Variants in PLCD4 observed in about 807,000 individuals in gnomAD.
PLCD4 encodes phospholipase C delta 4, also known as 1-phosphatidylinositol 4,5-bisphosphate phosphodiesterase delta-4.
Under a neutral mutation model 90.2 loss-of-function variants are expected in PLCD4, and 63 were observed. The ratio of observed to expected loss-of-function variants is 0.70; its 90% CI spans 0.57 to 0.86. The LOEUF (loss-of-function observed/expected upper bound fraction) is 0.86, where lower values mean the gene tolerates loss of function less well. Among genes scored for constraint, PLCD4 ranks in the 40% least tolerant of loss-of-function variants. The pLI is 0.00. For missense variants in PLCD4, 830 were observed against 956.3 expected, an observed-to-expected ratio of 0.87 and a Z score of 1.74; for synonymous variants, 294 against 356.5, an observed-to-expected ratio of 0.82 and a Z score of 1.97.
chr2:218,622,785 T>A lies in PLCD4; in HGVS notation c.679T>A (p.Phe227Ile). The change falls in exon 6 of 16, where the codon TTT becomes ATT. Residue 227 changes from phenylalanine (F) to isoleucine (I), a missense_variant. Phe to Ile is a conservative substitution (Grantham distance 21). Transcript: ENST00000450993. ...ADGQKLTLLEFLDFLQEEQKE... is the reference protein window; with the variant it reads ...ADGQKLTLLEILDFLQEEQKE... ...TGGGCAGAAGCTGACTCTGCTGGAATTTTTGGATTTCCTCCAAGAGGAGCA... is the reference window on the plus strand; with the variant it reads ...TGGGCAGAAGCTGACTCTGCTGGAAATTTTGGATTTCCTCCAAGAGGAGCA... The A allele has an allele frequency of 6.2e-7, 1 of 1,613,978 alleles. No homozygotes were observed. Among genetic ancestry groups the A allele is most frequent in the Non-Finnish European group, 8.5e-7 (1 of 1,179,878 alleles).
rs753153870 is a variant in PLCD4, at chr2:218,628,184, G to C, written c.928G>C (p.Val310Leu). The change falls in exon 7 of 16, where the codon GTG becomes CTG. Residue 310 changes from valine to leucine, a missense_variant. Val to Leu is a conservative substitution (Grantham distance 32, BLOSUM62 1). Coordinates refer to ENST00000450993, the MANE Select transcript of PLCD4 (RefSeq NM_032726.4). ...CTGCTCTTCTCATAACACCTACCTA[G>C]TGGGGGACCAGCTTTGTGGCCAGAG... is the stretch of plus-strand genomic sequence containing the variant. ...FICSSHNTYL[V>L]GDQLCGQSSV... 3 of 1,614,050 alleles carry C rather than the reference G, an allele frequency of 1.9e-6. No individual in the cohort carries two copies. In the African/African-American group the frequency reaches 4.0e-5, roughly 22 times the overall value.
intron 6 of PLCD4, among the ~76,000 whole-genome samples, chr2:218,623,352 G>A (rs1695966386): frequency 6.6e-6 from 1 of 152,106 alleles, no homozygotes; most frequent in Non-Finnish European, 1.5e-5. Context: ...GCTCTCTTGA[G>A]TCTCTAAGCC....
At chr2:218,615,381 G>T (rs921168044) in intron 1 of PLCD4, among the ~76,000 whole-genome samples, 3 of 152,128 alleles carry the variant, frequency 2.0e-5, no homozygotes, top group African/African-American at 7.2e-5. Flanking sequence ...TTCTGAAAGG[G>T]ACATCCAGCA....
At chr2:218,619,246 T>C (rs1307809955) in intron 4 of PLCD4, among the ~76,000 whole-genome samples, 2 of 148,822 alleles carry the variant, frequency 1.3e-5, no homozygotes, top group East Asian at 4.0e-4. Context: ...TATCAGGCAC[T>C]ATGCCAGACT....
chr2:218,619,307 T>G (rs1176867737), intron 4 of PLCD4, among the ~76,000 whole-genome samples: 2 of 151,906 alleles, frequency 1.3e-5, no homozygotes, highest in African/African-American at 2.4e-5. Context: ...TTTTGTTTTG[T>G]TTTTGATACG....
In PLCD4 at chr2:218,636,393, G is replaced by A. The variant is rs373033996; in HGVS notation, c.2182+1G>A. The A allele has an allele frequency of 8.1e-6, 13 of 1,614,024 alleles. No homozygotes were observed. Among genetic ancestry groups the A allele is most frequent in the South Asian group, 1.1e-5 (1 of 91,088 alleles). On this transcript the variant is annotated splice_donor_variant, in intron 15 of 15. Coordinates refer to ENST00000450993, the MANE Select transcript of PLCD4 (RefSeq NM_032726.4). LOFTEE classifies it high-confidence loss of function. Reference sequence around the variant, plus strand: ...CTGCCTTGGACCTGCATGCAACAAGGTGAGCCAGCCCCTTTGGCCCCTGGC... The same window carrying A: ...CTGCCTTGGACCTGCATGCAACAAGATGAGCCAGCCCCTTTGGCCCCTGGC...
chr2:218,630,017 A>G (rs1413999673), intron 8 of PLCD4, among the ~76,000 whole-genome samples: 1 of 152,140 alleles, frequency 6.6e-6, no homozygotes, highest in Non-Finnish European at 1.5e-5. Flanking sequence ...GTCTCTATTA[A>G]AAATAGAAAA....
At chr2:218,615,444 A>G (rs1336528325) in intron 1 of PLCD4, among the ~76,000 whole-genome samples, 1 of 152,150 alleles carries the variant, frequency 6.6e-6, no homozygotes, top group African/African-American at 2.4e-5. Flanking sequence ...ATGTGGCACT[A>G]GTAGACTGTG....
Position 218,632,205 on chromosome 2 carries a change from G to A in PLCD4, c.1342G>A (p.Glu448Lys). The A allele has an allele frequency of 1.2e-6, 2 of 1,611,278 alleles. No individual in the cohort carries two copies. Among genetic ancestry groups the A allele is most frequent in the Non-Finnish European group, 8.5e-7 (1 of 1,178,856 alleles). ...TGAGGAAGACCTGGAATATGAGGAA[G>A]AGGAAGCAGAACCTGAGTTGGAAGA... Reference protein sequence around the residue: ...TLEEDLEYEEEEAEPELEESE... With the variant: ...TLEEDLEYEEKEAEPELEESE... Residue 448 changes from glutamate (E) to lysine (K), a missense_variant, in exon 10 of 16, where the codon GAG (glutamate) becomes AAG (lysine). Physicochemically the swap from Glu to Lys is moderately conservative, Grantham distance 56. Transcript: ENST00000450993.
In PLCD4 at chr2:218,634,793, A is replaced by C. The variant is rs1300580760; in HGVS notation, c.1896+163A>C. Among the ~76,000 whole-genome samples the C allele has an allele frequency of 1.3e-5, 2 of 152,162 alleles. No homozygotes were observed. The highest frequency in any genetic ancestry group is 4.8e-5 in the African/African-American group (2 of 41,438). Reference sequence around the variant, plus strand: ...GCCTAGCTTCAAACCACAACTTCCTAATTGGGTAATGTTGGGCAAGTTCCT... The same window carrying C: ...GCCTAGCTTCAAACCACAACTTCCTCATTGGGTAATGTTGGGCAAGTTCCT... On this transcript the variant is annotated intron_variant, in intron 13 of 15. Coordinates refer to ENST00000450993, the MANE Select transcript of PLCD4 (RefSeq NM_032726.4). The surrounding 1 kb of genome is among the most constrained non-coding windows in gnomAD (Gnocchi z 4.0).
chr2:218,618,351 T>C (rs1356268111), intron 3 of PLCD4, among the ~76,000 whole-genome samples: 1 of 152,224 alleles, frequency 6.6e-6, no homozygotes, highest in East Asian at 1.9e-4. Context: ...CCACTTCCAG[T>C]ACAGGCCCTT....
chr2:218,615,150 C>T (rs2106121772), intron 1 of PLCD4, among the ~76,000 whole-genome samples: 1 of 152,208 alleles, frequency 6.6e-6, no homozygotes, highest in South Asian at 2.1e-4. Flanking sequence ...ATCGCTTGAA[C>T]TGGGAGTTGC....
At chr2:218,610,112 C>T (rs1695264234) in intron 1 of PLCD4, among the ~76,000 whole-genome samples, 1 of 151,840 alleles carries the variant, frequency 6.6e-6, no homozygotes, top group Non-Finnish European at 1.5e-5. Context: ...ACCCCATCTC[C>T]ATACAAAACA....
intron 4 of PLCD4, among the ~76,000 whole-genome samples, chr2:218,620,892 T>G (rs1200571017): frequency 4.5e-5 from 2 of 44,038 alleles, no homozygotes; most frequent in Non-Finnish European, 7.2e-5. Context: ...AGACTCTGTC[T>G]CAAAAAAAAA....
intron 10 of PLCD4, 125 bp from the exon 11 acceptor site, chr2:218,633,480 A>G: frequency 8.9e-7 from 1 of 1,126,798 alleles, no homozygotes; most frequent in Non-Finnish European, 1.3e-6. Context: ...TTGTCCCGGC[A>G]GGTGAGGCAG....
intron 5 of PLCD4, 173 bp from the exon 6 acceptor site, chr2:218,622,474 C>T: frequency 2.1e-6 from 1 of 485,698 alleles, no homozygotes; most frequent in East Asian, 3.3e-5. Context: ...ATTTCCCATT[C>T]TCCATGATGT....
rs1696786078 is a variant in PLCD4 at position 218,636,802 on chromosome 2, T to C, written c.*225T>C. 1.6e-6 allele frequency: 1 copy of C among 617,716 alleles called. No homozygotes were observed. The highest frequency in any genetic ancestry group is 3.0e-6 in the Non-Finnish European group (1 of 337,614). 38.3% of individuals were successfully genotyped at this position (617,716 alleles called of 1,614,324 possible). On this transcript the variant is annotated 3_prime_UTR_variant, in exon 16 of 16. Coordinates refer to ENST00000450993, the MANE Select transcript of PLCD4 (RefSeq NM_032726.4). ...TGTTTTCATAAGCCTTTGGTATCTT[T>C]CCTGCCCTTTTCCTTTGTGTACTCT...
chr2:218,635,590 C>T (rs530808344), intron 13 of PLCD4, among the ~76,000 whole-genome samples: 16 of 152,308 alleles, frequency 1.1e-4, no homozygotes, highest in African/African-American at 2.9e-4. Flanking sequence ...ACCTCGGCCT[C>T]CTGAAGTGTT....
Position 218,634,544 on chromosome 2 carries a change from A to G in PLCD4, c.1810A>G (p.Lys604Glu). 6.2e-7 allele frequency: 1 copy of G among 1,614,040 alleles called. No individual in the cohort carries two copies. Among genetic ancestry groups the G allele is most frequent in the South Asian group, 1.1e-5 (1 of 91,084 alleles). ...RQNGGCGYVLKPDFLRDIQSS... is the reference protein window; with the variant it reads ...RQNGGCGYVLEPDFLRDIQSS... The stretch of plus-strand genomic sequence containing the variant: ...GAATGGCGGCTGTGGCTATGTGCTG[A>G]AGCCAGACTTCCTGCGTGATATCCA... Residue 604 changes from lysine (K) to glutamate (E), a missense_variant, in exon 13 of 16, where the codon AAG becomes GAG. Coordinates refer to ENST00000450993, the MANE Select transcript of PLCD4 (RefSeq NM_032726.4). This position sits in a 1 kb window ranked among gnomAD's most constrained non-coding sequence, Gnocchi z 4.0.
Sources: allele counts gnomAD v4.1 joint callset (sites outside exome capture counted in the v4.1 genomes callset), GRCh38; gene constraint gnomAD v4.1.1; non-coding constraint Gnocchi (gnomAD v3.1); transcripts MANE v1.5; gene names NCBI Gene and HGNC (gene_info 2026-07-23, HGNC 2026-07-21).